The following ADCY2 variants were observed in gnomAD, a reference collection of about 807,000 sequenced individuals.
ADCY2 encodes the protein adenylate cyclase 2.
ADCY2 carries 31 observed loss-of-function variants against 125.2 expected under a neutral mutation model. The ratio of observed to expected loss-of-function variants is 0.25; its 90% CI spans 0.19 to 0.33. The LOEUF (loss-of-function observed/expected upper bound fraction) is 0.33, where lower values mean the gene tolerates loss of function less well. Among genes scored for constraint, ADCY2 ranks in the 10% least tolerant of loss-of-function variants. The pLI, the probability that ADCY2 is intolerant of heterozygous loss-of-function variation, is 1.00. For missense variants in ADCY2, 904 were observed against 1,418.2 expected, an observed-to-expected ratio of 0.64 and a Z score of 5.82; for synonymous variants, 512 against 548.4, an observed-to-expected ratio of 0.93 and a Z score of 0.93.
intron 16 of ADCY2, among the ~76,000 whole-genome samples, chr5:7,763,155 G>A (rs1190619096): frequency 1.3e-5 from 2 of 151,844 alleles, no homozygotes; most frequent in East Asian, 1.9e-4. Context: ...GTGCAGTGGC[G>A]GGATCTCGGC....
intron 2 of ADCY2, among the ~76,000 whole-genome samples, chr5:7,453,364 C>T (rs971585806): frequency 6.6e-6 from 1 of 152,078 alleles, no homozygotes; most frequent in Admixed American, 6.6e-5. Flanking sequence ...TGTGTTCTCC[C>T]CCTGATTTAT....
intron 16 of ADCY2, among the ~76,000 whole-genome samples, chr5:7,758,511 T>G (rs1743088894): frequency 6.6e-6 from 1 of 152,234 alleles, no homozygotes; most frequent in South Asian, 2.1e-4. Flanking sequence ...TATTTCATAA[T>G]AATAACGTCG....
At chr5:7,710,285 TA>T (rs1345888877) in intron 10 of ADCY2, among the ~76,000 whole-genome samples, 1 of 152,138 alleles carries the variant, frequency 6.6e-6, no homozygotes, top group Non-Finnish European at 1.5e-5. Flanking sequence ...TTTTTTCAAC[TA>T]AAAAGTAAAT....
intron 4 of ADCY2, among the ~76,000 whole-genome samples, chr5:7,681,144 T>A (rs1474890290): frequency 6.6e-6 from 1 of 152,238 alleles, no homozygotes; most frequent in Non-Finnish European, 1.5e-5. Flanking sequence ...AGTTGCCTTT[T>A]GCATCTTTAA....
intron 4 of ADCY2, among the ~76,000 whole-genome samples, chr5:7,661,092 A>C (rs1739512151): frequency 6.6e-6 from 1 of 152,160 alleles, no homozygotes; most frequent in Non-Finnish European, 1.5e-5. Context: ...AAAACAAACA[A>C]GGGTGATTTG....
Position 7,573,732 on chromosome 5 carries a change from CTT to C in ADCY2, c.571-52428_571-52427del, listed in dbSNP as rs540928699. On this transcript the variant is annotated intron_variant, in intron 3 of 24. Transcript: ENST00000338316. ...AGATTGTGCAGTTGCCTTTTAAACTCTTTTTTTTGTTTGTTTTTGTTTTTGTT... is the reference window on the plus strand; with the variant it reads ...AGATTGTGCAGTTGCCTTTTAAACTCTTTTTTGTTTGTTTTTGTTTTTGTT... Among the ~76,000 whole-genome samples, 833 of 149,148 alleles carry C rather than the reference CTT, an allele frequency of 5.6e-3. 1 individual carries two copies. Among genetic ancestry groups the C allele is most frequent in the Non-Finnish European group, 8.6e-3 (582 of 67,394 alleles).
intron 2 of ADCY2, among the ~76,000 whole-genome samples, chr5:7,482,564 C>G (rs1742770054): frequency 6.6e-6 from 1 of 151,980 alleles, no homozygotes; most frequent in Admixed American, 6.6e-5. Context: ...TTATGCACAA[C>G]AGTATGGAGG....
At chr5:7,741,591 C>CATCCCT (rs1270202888) in intron 14 of ADCY2, among the ~76,000 whole-genome samples, 1 of 122,004 alleles carries the variant, frequency 8.2e-6, no homozygotes, top group Non-Finnish European at 1.8e-5. Context: ...TCCCTATCAC[C>CATCCCT]ATCACCATCA....
intron 3 of ADCY2, among the ~76,000 whole-genome samples, chr5:7,625,790 G>A (rs529616191): frequency 3.9e-5 from 6 of 152,316 alleles, no homozygotes; most frequent in Non-Finnish European, 8.8e-5. Flanking sequence ...CTACCCGGAA[G>A]TGTTCTTTTC....
intron 24 of ADCY2, chr5:7,826,479 TG>T: frequency 1.6e-6 from 1 of 623,666 alleles, no homozygotes; most frequent in Non-Finnish European, 2.9e-6. Flanking sequence ...CGTAGTTTAC[TG>T]GAGTTACTTG....
At chr5:7,578,740 A>G (rs1736332609) in intron 3 of ADCY2, among the ~76,000 whole-genome samples, 1 of 152,060 alleles carries the variant, frequency 6.6e-6, no homozygotes, top group South Asian at 2.1e-4. Flanking sequence ...CAATGTGTCA[A>G]CCCACGGTGC....
intron 2 of ADCY2, among the ~76,000 whole-genome samples, chr5:7,510,549 A>G (rs759204522): frequency 6.6e-6 from 1 of 152,206 alleles, no homozygotes; most frequent in Non-Finnish European, 1.5e-5. Context: ...GGCTAGGCTC[A>G]GGCCCAAGCA....
intron 18 of ADCY2, among the ~76,000 whole-genome samples, chr5:7,780,104 G>C (rs1031673203): frequency 6.6e-6 from 1 of 152,194 alleles, no homozygotes; most frequent in African/African-American, 2.4e-5. Context: ...AGTAGACCGA[G>C]TGTGTCTTAG....
intron 2 of ADCY2, among the ~76,000 whole-genome samples, chr5:7,513,106 C>CACACACAGAG (rs777343291): frequency 7.9e-5 from 11 of 138,428 alleles, no homozygotes; most frequent in African/African-American, 1.3e-4. Context: ...CACACACACA[C>CACACACAGAG]AGAGAGAGAG....
At chr5:7,772,050 G>A (rs537930358) in intron 17 of ADCY2, among the ~76,000 whole-genome samples, 47 of 152,294 alleles carry the variant, frequency 3.1e-4, no homozygotes, top group African/African-American at 1.1e-3. Flanking sequence ...TGGGCTCTGT[G>A]CATTACTTTT....
At chr5:7,717,332 A>G in intron 12 of ADCY2, 95 bp downstream of exon 12, 1 of 764,080 alleles carries the variant, frequency 1.3e-6, no homozygotes, top group Non-Finnish European at 2.1e-6. Flanking sequence ...TGACAAAGCC[A>G]AGTTTCTGAG....
chr5:7,664,164 T>A (rs1291330381), intron 4 of ADCY2, among the ~76,000 whole-genome samples: 2 of 152,222 alleles, frequency 1.3e-5, no homozygotes, highest in African/African-American at 4.8e-5. Context: ...CAAAAGAATT[T>A]GTTTGTAAAG....
chr5:7,825,119 C>T (rs1019686138), intron 24 of ADCY2, among the ~76,000 whole-genome samples: 1 of 151,696 alleles, frequency 6.6e-6, no homozygotes, highest in African/African-American at 2.4e-5. Context: ...TGCTATGTGC[C>T]AGAACAACAC....
At chr5:7,403,530 A>G (rs1739346825) in intron 1 of ADCY2, among the ~76,000 whole-genome samples, 1 of 152,174 alleles carries the variant, frequency 6.6e-6, no homozygotes. Flanking sequence ...ATTAATCTCT[A>G]TGTGGCTCAT....
Sources: allele counts gnomAD v4.1 joint callset (sites outside exome capture counted in the v4.1 genomes callset), GRCh38; gene constraint gnomAD v4.1.1; transcripts MANE v1.5; gene names NCBI Gene and HGNC (gene_info 2026-07-23, HGNC 2026-07-21).